DCLK1: variants seen among roughly 807,000 people sequenced by gnomAD.
DCLK1 encodes doublecortin like kinase 1.
A neutral mutation model predicts 86.2 loss-of-function variants in DCLK1; 16 were observed. The ratio of observed to expected loss-of-function variants is 0.19; its 90% CI spans 0.13 to 0.28. The LOEUF is 0.28. DCLK1 is among the 10% of genes least tolerant of loss of function. DCLK1 has a pLI of 1.00. For synonymous variants in DCLK1, 369 were observed against 370.5 expected (o/e 1.00, Z 0.05); for missense variants, 590 against 940.2 (o/e 0.63, Z 4.87).
chr13:35,820,308 AT>A (rs1377812814), intron 11 of DCLK1, among the ~76,000 whole-genome samples: 2 of 152,210 alleles, frequency 1.3e-5, no homozygotes, highest in African/African-American at 4.8e-5. Flanking sequence ...TTTCATATAG[AT>A]ATTTTAAAAC....
chr13:35,937,031 G>A (rs1379158088), intron 4 of DCLK1, among the ~76,000 whole-genome samples: 5 of 137,134 alleles, frequency 3.6e-5, no homozygotes, highest in South Asian at 2.3e-4. Context: ...ATGCAGTGGC[G>A]CGATCTCCAC....
intron 3 of DCLK1, among the ~76,000 whole-genome samples, chr13:35,951,962 G>A (rs1251852461): frequency 6.6e-6 from 1 of 152,114 alleles, no homozygotes. Context: ...TGTTCCCTAA[G>A]AGCACAGCAC....
chr13:36,087,553 C>T (rs1262842297), intron 3 of DCLK1, among the ~76,000 whole-genome samples: 1 of 152,112 alleles, frequency 6.6e-6, no homozygotes, highest in Non-Finnish European at 1.5e-5. Context: ...AATGACCCAT[C>T]CTGTGACTGT....
chr13:35,847,911 C>A, intron 6 of DCLK1: 15 of 985,266 alleles, frequency 1.5e-5, no homozygotes, highest in Non-Finnish European at 1.7e-5. Context: ...GTTGATTAAA[C>A]AAGACAAAAA....
At chr13:36,109,105 C>T (rs571239973) in intron 3 of DCLK1, among the ~76,000 whole-genome samples, 2 of 152,348 alleles carry the variant, frequency 1.3e-5, no homozygotes, top group South Asian at 2.1e-4. Flanking sequence ...TTTGTTCTCA[C>T]TGGGAACCCA....
intron 4 of DCLK1, among the ~76,000 whole-genome samples, chr13:35,924,016 A>G (rs1875955427): frequency 1.3e-5 from 2 of 152,218 alleles, no homozygotes; most frequent in South Asian, 4.1e-4. Flanking sequence ...TCCAATTACC[A>G]CGTCACCCAC....
intron 2 of DCLK1, among the ~76,000 whole-genome samples, chr13:36,120,529 C>A (rs1233378354): frequency 6.6e-6 from 1 of 152,160 alleles, no homozygotes; most frequent in African/African-American, 2.4e-5. Flanking sequence ...TGTAAGTACA[C>A]TCTATGATGT....
intron 16 of DCLK1, among the ~76,000 whole-genome samples, chr13:35,777,907 T>G (rs1366840392): frequency 1.3e-5 from 2 of 152,222 alleles, no homozygotes; most frequent in African/African-American, 4.8e-5. Context: ...ACCATTATCG[T>G]TGTTCATCCT....
At chr13:36,075,055 T>C (rs937468505) in intron 3 of DCLK1, among the ~76,000 whole-genome samples, 2 of 152,212 alleles carry the variant, frequency 1.3e-5, no homozygotes, top group Non-Finnish European at 2.9e-5. Context: ...ACCCAATCTT[T>C]AAAGTAGACC....
chr13:35,776,301 A>G lies in DCLK1; in HGVS notation c.2059-1602T>C, dbSNP rs188657313. ...AAATGTTCTGTTTGTGTAGAGTTGA[A>G]TGTTTGTAAAAAAAACAGACGTCTA... On this transcript the variant is annotated intron_variant, in intron 16 of 16. Transcript: ENST00000360631. Among the ~76,000 whole-genome samples the G allele has an allele frequency of 2.7e-4, 41 of 152,314 alleles. No homozygotes were observed. In the East Asian group the frequency reaches 7.9e-3, roughly 29 times the overall value.
At chr13:36,111,546 T>G (rs954642635) in intron 3 of DCLK1, among the ~76,000 whole-genome samples, 34 of 152,218 alleles carry the variant, frequency 2.2e-4, no homozygotes, top group African/African-American at 8.0e-4. Flanking sequence ...CATTCATTCT[T>G]CAGGCTATAA....
chr13:36,036,229 G>C lies in DCLK1; in HGVS notation c.723+75640C>G, dbSNP rs4941827. Among the ~76,000 whole-genome samples the C allele has an allele frequency of 8.0e-3, 1,218 of 152,280 alleles. 13 individuals are homozygous for C. The highest frequency in any genetic ancestry group is 0.023 in the Admixed American group (357 of 15,298). ...CTTTTAATTGGCATATAAAAAGTGG[G>C]TATAAATATGACTGCAGAACTGCCT... On this transcript the variant is annotated intron_variant, in intron 3 of 16. Coordinates refer to ENST00000360631, the MANE Select transcript of DCLK1 (RefSeq NM_001330071.2).
intron 3 of DCLK1, among the ~76,000 whole-genome samples, chr13:35,972,086 T>C (rs1032094141): frequency 6.6e-6 from 1 of 152,178 alleles, no homozygotes; most frequent in Admixed American, 6.5e-5. Context: ...TGGATACCTA[T>C]CCTTGTCCCA....
chr13:36,091,840 C>T (rs1490931516), intron 3 of DCLK1, among the ~76,000 whole-genome samples: 1 of 152,172 alleles, frequency 6.6e-6, no homozygotes, highest in Non-Finnish European at 1.5e-5. Flanking sequence ...CATTTTCTAA[C>T]TACTTTTTCA....
intron 16 of DCLK1, among the ~76,000 whole-genome samples, chr13:35,783,132 G>A (rs182830332): frequency 1.1e-4 from 17 of 152,332 alleles, no homozygotes; most frequent in African/African-American, 1.9e-4. Context: ...ACATAATGCC[G>A]CAAATGCTCA....
At chr13:35,943,090 T>C (rs74887606) in intron 4 of DCLK1, among the ~76,000 whole-genome samples, 463 of 152,330 alleles carry the variant, frequency 3.0e-3, no homozygotes, top group African/African-American at 0.011. Context: ...TCTTTGTAGA[T>C]GTCACCAAAC....
At chr13:35,913,878 G>A (rs972259409) in intron 4 of DCLK1, among the ~76,000 whole-genome samples, 69 of 152,314 alleles carry the variant, frequency 4.5e-4, no homozygotes, top group African/African-American at 1.6e-3. Flanking sequence ...CTTGCAAAGG[G>A]TAGGTAACCA....
chr13:35,976,326 G>A (rs141624350), intron 3 of DCLK1, among the ~76,000 whole-genome samples: 151 of 152,054 alleles, frequency 9.9e-4, no homozygotes, highest in African/African-American at 3.4e-3. Context: ...CCAGATGGAA[G>A]CTCCTGGCCA....
chr13:35,809,179 C>T lies in DCLK1; in HGVS notation c.1689-84G>A, dbSNP rs531037457. The T allele has an allele frequency of 9.6e-5, 106 of 1,103,554 alleles. 2 individuals are homozygous for T. The South Asian group carries it at 1.7e-3, about 18-fold the overall frequency. 68.4% of individuals were successfully genotyped at this position (1,103,554 alleles called of 1,614,324 possible). A position where few individuals can be genotyped will look rare whatever the true frequency, so the allele number is the denominator to read the frequency against. On this transcript the variant is annotated intron_variant, in intron 12 of 16. Coordinates refer to ENST00000360631, the MANE Select transcript of DCLK1 (RefSeq NM_001330071.2). ...TGGTAAAATCAATGACTTTCCTCCT[C>T]CAAGCCAAAAATAAAACCAAACAAA...
Sources: gnomAD v4.1 joint callset for allele counts (sites outside exome capture counted in the v4.1 genomes callset) on GRCh38, gnomAD v4.1.1 for gene constraint, MANE v1.5 for transcripts, NCBI Gene and HGNC (gene_info 2026-07-23, HGNC 2026-07-21) for gene names.